LINGO2: variants seen among roughly 807,000 people sequenced by gnomAD.
LINGO2 encodes leucine rich repeat and Ig domain containing 2, also known as leucine-rich repeat and immunoglobulin-like domain-containing nogo receptor-interacting protein 2.
In LINGO2, 14 loss-of-function variants were observed where a neutral mutation model predicts 30.6. The ratio of observed to expected loss-of-function variants is 0.46; its 90% CI spans 0.30 to 0.72. The LOEUF is 0.72. Ranked by LOEUF, LINGO2 falls within the 30% of genes least tolerant of loss-of-function variation. The pLI, the probability that LINGO2 is intolerant of heterozygous loss-of-function variation, is 0.07. For synonymous variants in LINGO2, 317 were observed against 288.5 expected (o/e 1.10, Z -1.00); for missense variants, 729 against 751.7 (o/e 0.97, Z 0.35).
chr9:28,730,266 A>G, the LINGO2 span, among the ~76,000 whole-genome samples: 1 of 152,178 alleles, frequency 6.6e-6, no homozygotes, highest in Non-Finnish European at 1.5e-5. Context: ...AGAGGCGTGT[A>G]CAGACACAAA....
the LINGO2 span, among the ~76,000 whole-genome samples, chr9:29,150,225 C>T: frequency 6.6e-6 from 1 of 152,048 alleles, no homozygotes; most frequent in Non-Finnish European, 1.5e-5. Flanking sequence ...AATAAAGATC[C>T]TATACAAAGC....
chr9:28,786,839 C>G, the LINGO2 span, among the ~76,000 whole-genome samples: 2 of 152,016 alleles, frequency 1.3e-5, no homozygotes, highest in African/African-American at 4.8e-5. Context: ...GAAAATAAGG[C>G]TACTAAAGGA....
At chr9:28,271,156 T>C (rs920147004) in intron 4 of LINGO2, among the ~76,000 whole-genome samples, 1 of 144,588 alleles carries the variant, frequency 6.9e-6, no homozygotes, top group Non-Finnish European at 1.5e-5. Context: ...AAGAAAAAAG[T>C]AAAAAAAAAA....
rs192963816 is a variant in LINGO2 at position 28,181,638 on chromosome 9, C to T, written c.-87+113570G>A. Among the ~76,000 whole-genome samples, 90 of 152,294 alleles carry T rather than the reference C, an allele frequency of 5.9e-4. 2 individuals are homozygous for T. Among genetic ancestry groups the T allele is most frequent in the Middle Eastern group, 6.8e-3 (2 of 294 alleles). Reference sequence around the variant, plus strand: ...GCCTAATGAAATGTTTTCAAATTGACAGCAAAGACCCTGCTTACAGCTCAT... The same window carrying T: ...GCCTAATGAAATGTTTTCAAATTGATAGCAAAGACCCTGCTTACAGCTCAT... On this transcript the variant is annotated intron_variant, in intron 4 of 5. Transcript: ENST00000379992.
At chr9:28,186,798 G>A (rs1819557485) in intron 4 of LINGO2, among the ~76,000 whole-genome samples, 2 of 152,102 alleles carry the variant, frequency 1.3e-5, no homozygotes, top group African/African-American at 2.4e-5. Context: ...TATTTGACAA[G>A]CAGCAAGAGG....
the LINGO2 span, among the ~76,000 whole-genome samples, chr9:28,769,068 A>C: frequency 6.6e-6 from 1 of 152,048 alleles, no homozygotes; most frequent in African/African-American, 2.4e-5. Flanking sequence ...CTATAAATTA[A>C]AATTGTAAAT....
At chr9:28,937,451 T>A in the LINGO2 span, among the ~76,000 whole-genome samples, 1 of 152,188 alleles carries the variant, frequency 6.6e-6, no homozygotes, top group African/African-American at 2.4e-5. Flanking sequence ...GGATGATAGA[T>A]CTCAAGCAAG....
At chr9:28,275,169 C>T (rs1271566778) in intron 4 of LINGO2, among the ~76,000 whole-genome samples, 4 of 151,914 alleles carry the variant, frequency 2.6e-5, no homozygotes, top group Admixed American at 6.6e-5. Flanking sequence ...CCTGGGTTCA[C>T]GCCATTCTCC....
At chr9:28,567,257 C>G (rs1486700826) in intron 1 of LINGO2, among the ~76,000 whole-genome samples, 2 of 152,000 alleles carry the variant, frequency 1.3e-5, no homozygotes, top group African/African-American at 4.8e-5. Flanking sequence ...AAAAATAGAA[C>G]TAACTACCAT....
At chr9:28,009,355 TAA>T (rs72535340) in intron 5 of LINGO2, among the ~76,000 whole-genome samples, 2 of 145,072 alleles carry the variant, frequency 1.4e-5, no homozygotes, top group Non-Finnish European at 3.0e-5. Context: ...GCACAAGTGA[TAA>T]AAAAAAAAAG....
chr9:28,735,265 C>T, the LINGO2 span, among the ~76,000 whole-genome samples: 30 of 152,132 alleles, frequency 2.0e-4, 1 homozygote, highest in African/African-American at 6.8e-4. Flanking sequence ...TTCTCTAGAG[C>T]TCAAAGTGAA....
At chr9:28,715,774 T>TA in the LINGO2 span, among the ~76,000 whole-genome samples, 1 of 152,128 alleles carries the variant, frequency 6.6e-6, no homozygotes, top group Admixed American at 6.6e-5. Flanking sequence ...AAGATTTGTT[T>TA]GGCAGGAGTT....
chr9:28,404,626 C>CT (rs1822418303), intron 2 of LINGO2, among the ~76,000 whole-genome samples: 1 of 152,142 alleles, frequency 6.6e-6, no homozygotes, highest in South Asian at 2.1e-4. Flanking sequence ...AATGTTGCCT[C>CT]TCCCTGGAAT....
chr9:28,694,015 A>G, the LINGO2 span, among the ~76,000 whole-genome samples: 3 of 151,918 alleles, frequency 2.0e-5, no homozygotes, highest in African/African-American at 4.8e-5. Flanking sequence ...TGAGCATGAT[A>G]TCAGCTGGTA....
exon 6 of LINGO2, chr9:27,950,190 C>G (rs1402883080): frequency 6.2e-7 from 1 of 1,614,016 alleles, no homozygotes; most frequent in Non-Finnish European, 8.5e-7. Context: ...ATCATTGTCC[C>G]CCACTTCTAG....
intron 1 of LINGO2, among the ~76,000 whole-genome samples, chr9:28,642,450 A>G (rs1827636882): frequency 6.6e-6 from 1 of 152,164 alleles, no homozygotes; most frequent in Middle Eastern, 3.2e-3. Context: ...TAGTTTAACA[A>G]GAAACACAAA....
At chr9:28,649,993 C>T (rs895570840) in intron 1 of LINGO2, among the ~76,000 whole-genome samples, 12 of 151,146 alleles carry the variant, frequency 7.9e-5, no homozygotes, top group African/African-American at 2.9e-4. Flanking sequence ...GTGGAAGAGC[C>T]ATCGTAGAGT....
At chr9:28,378,633 C>A (rs1821222403) in intron 2 of LINGO2, among the ~76,000 whole-genome samples, 1 of 152,140 alleles carries the variant, frequency 6.6e-6, no homozygotes, top group Non-Finnish European at 1.5e-5. Flanking sequence ...GTTAGGCTTT[C>A]TAACTTTATT....
the LINGO2 span, among the ~76,000 whole-genome samples, chr9:28,684,826 T>C: frequency 8.5e-5 from 13 of 152,052 alleles, no homozygotes; most frequent in African/African-American, 1.7e-4. Context: ...GACATTTTTT[T>C]CTTTTTTAAC....
Sources: gnomAD v4.1 joint callset for allele counts (sites outside exome capture counted in the v4.1 genomes callset) on GRCh38, gnomAD v4.1.1 for gene constraint, MANE v1.5 for transcripts, NCBI Gene and HGNC (gene_info 2026-07-23, HGNC 2026-07-21) for gene names.